Variants in SEMA5A observed in about 807,000 individuals in gnomAD.
SEMA5A encodes the protein semaphorin 5A, also known as semaphorin-5A.
SEMA5A carries 55 observed loss-of-function variants against 135.5 expected under a neutral mutation model. The observed-to-expected ratio is 0.41, with a 90% CI of 0.33 to 0.51. The LOEUF (loss-of-function observed/expected upper bound fraction) is 0.51, where lower values mean the gene tolerates loss of function less well. Ranked by LOEUF, SEMA5A falls within the 20% of genes least tolerant of loss-of-function variation. The probability of loss-of-function intolerance (pLI) is 0.37; values close to 1 mark genes in which losing one functional copy is unlikely to be tolerated. For synonymous variants in SEMA5A, 580 were observed against 546.5 expected (o/e 1.06, Z -0.85); for missense variants, 1,290 against 1,419.9 (o/e 0.91, Z 1.47).
intron 11 of SEMA5A, among the ~76,000 whole-genome samples, chr5:9,159,481 A>G (rs1270702755): frequency 1.3e-5 from 2 of 152,220 alleles, no homozygotes; most frequent in Non-Finnish European, 2.9e-5. Context: ...ATCATCAGAG[A>G]AGTGCAAATC....
At chr5:9,527,264 C>G (rs2126884702) in intron 1 of SEMA5A, among the ~76,000 whole-genome samples, 1 of 152,172 alleles carries the variant, frequency 6.6e-6, no homozygotes, top group Non-Finnish European at 1.5e-5. Context: ...TCCATGGCCC[C>G]CAAGGGAAAA....
chr5:9,316,449 A>G (rs1752393355), intron 5 of SEMA5A, among the ~76,000 whole-genome samples: 1 of 152,214 alleles, frequency 6.6e-6, no homozygotes, highest in Admixed American at 6.6e-5. Context: ...TTAAAAAGAA[A>G]TGAATGCGTA....
At chr5:9,419,194 A>T (rs1014463592) in intron 2 of SEMA5A, among the ~76,000 whole-genome samples, 2 of 152,014 alleles carry the variant, frequency 1.3e-5, no homozygotes, top group Non-Finnish European at 2.9e-5. Context: ...AGATCTTGGC[A>T]TTAATTTCTA....
At chr5:9,353,386 A>AG (rs1754297097) in intron 3 of SEMA5A, among the ~76,000 whole-genome samples, 2 of 142,300 alleles carry the variant, frequency 1.4e-5, no homozygotes, top group Non-Finnish European at 3.0e-5. Context: ...AGGAAAGGAA[A>AG]GGAAAGGAAG....
intron 1 of SEMA5A, among the ~76,000 whole-genome samples, chr5:9,503,070 G>A (rs1311453296): frequency 6.6e-6 from 1 of 152,178 alleles, no homozygotes; most frequent in Non-Finnish European, 1.5e-5. Flanking sequence ...GGATAAAGCT[G>A]TCAGTGAAAG....
rs983994152 is a variant in SEMA5A, at chr5:9,170,108, C to T, written c.1274-15413G>A. Among the ~76,000 whole-genome samples the T allele has an allele frequency of 7.2e-5, 11 of 152,052 alleles. No homozygotes were observed. In the South Asian group the frequency reaches 1.0e-3, roughly 14 times the overall value. Reference sequence around the variant, plus strand: ...AATTAACAAGTCAGGAGTGACAATGCCCCCCTTTTCTAGCCTAAGTATGAA... The same window carrying T: ...AATTAACAAGTCAGGAGTGACAATGTCCCCCTTTTCTAGCCTAAGTATGAA... On this transcript the variant is annotated intron_variant, in intron 11 of 22. Coordinates refer to ENST00000382496, the MANE Select transcript of SEMA5A (RefSeq NM_003966.3).
intron 21 of SEMA5A, among the ~76,000 whole-genome samples, chr5:9,046,545 G>A (rs964631185): frequency 4.6e-5 from 7 of 152,196 alleles, no homozygotes; most frequent in Non-Finnish European, 8.8e-5. Context: ...CTAGGTCTAC[G>A]GGGCTCTGTT....
intron 1 of SEMA5A, among the ~76,000 whole-genome samples, chr5:9,498,928 T>G (rs957613767): frequency 1.3e-5 from 2 of 152,232 alleles, no homozygotes; most frequent in Non-Finnish European, 2.9e-5. Flanking sequence ...ATTACAGAAT[T>G]CACTCTATCA....
At chr5:9,376,983 G>A (rs1755389612) in intron 3 of SEMA5A, among the ~76,000 whole-genome samples, 1 of 152,002 alleles carries the variant, frequency 6.6e-6, no homozygotes, top group South Asian at 2.1e-4. Context: ...AATGTTTACA[G>A]GAGGCATTAC....
intron 1 of SEMA5A, among the ~76,000 whole-genome samples, chr5:9,448,650 C>A (rs906664316): frequency 6.6e-6 from 1 of 152,226 alleles, no homozygotes; most frequent in Non-Finnish European, 1.5e-5. Flanking sequence ...ATTTATGAAA[C>A]TAAATCCAGA....
intron 5 of SEMA5A, among the ~76,000 whole-genome samples, chr5:9,308,666 T>G (rs1285781840): frequency 6.6e-6 from 1 of 152,152 alleles, no homozygotes; most frequent in African/African-American, 2.4e-5. Flanking sequence ...GGTCGTATGC[T>G]GGCCAGTACA....
At chr5:9,450,744 G>C (rs1475428657) in intron 1 of SEMA5A, among the ~76,000 whole-genome samples, 2 of 148,382 alleles carry the variant, frequency 1.3e-5, no homozygotes, top group African/African-American at 5.0e-5. Context: ...GTTATAATGT[G>C]ATCTACCACA....
At chr5:9,353,309 G>GAAATGA (rs1579398079) in intron 3 of SEMA5A, among the ~76,000 whole-genome samples, 42 of 84,770 alleles carry the variant, frequency 5.0e-4, no homozygotes, top group South Asian at 1.1e-3. Flanking sequence ...GAAGGGAAGG[G>GAAATGA]AAGGGAAAGG....
At chr5:9,366,268 G>A (rs935461841) in intron 3 of SEMA5A, among the ~76,000 whole-genome samples, 2 of 151,962 alleles carry the variant, frequency 1.3e-5, no homozygotes, top group African/African-American at 4.8e-5. Flanking sequence ...GCAAATTGGA[G>A]GTCAAACCAT....
intron 1 of SEMA5A, among the ~76,000 whole-genome samples, chr5:9,456,603 C>T (rs1208060714): frequency 1.3e-5 from 2 of 152,134 alleles, no homozygotes; most frequent in Non-Finnish European, 1.5e-5. Flanking sequence ...AGTCCTCATG[C>T]AGCCTAACTG....
intron 1 of SEMA5A, among the ~76,000 whole-genome samples, chr5:9,474,693 C>T (rs1041837157): frequency 2.0e-5 from 3 of 152,176 alleles, no homozygotes; most frequent in Admixed American, 6.5e-5. Flanking sequence ...TGGCTGCTTC[C>T]ACTCTGTATG....
intron 1 of SEMA5A, among the ~76,000 whole-genome samples, chr5:9,508,798 C>T (rs182679445): frequency 6.6e-6 from 1 of 152,248 alleles, no homozygotes; most frequent in Non-Finnish European, 1.5e-5. Context: ...TTCTTTGGCA[C>T]GAAGGAAGTT....
intron 1 of SEMA5A, among the ~76,000 whole-genome samples, chr5:9,454,603 G>A (rs1228993833): frequency 1.3e-5 from 2 of 152,158 alleles, no homozygotes; most frequent in Admixed American, 6.5e-5. Flanking sequence ...AGTACACTGA[G>A]ATCTTAACGT....
Position 9,315,029 on chromosome 5 carries a change from G to A in SEMA5A, c.270+3343C>T, listed in dbSNP as rs572399165. Among the ~76,000 whole-genome samples, 166 of 152,198 alleles carry A rather than the reference G, an allele frequency of 1.1e-3. 1 individual carries two copies. The highest frequency in any genetic ancestry group is 3.8e-3 in the African/African-American group (157 of 41,542). Reference sequence around the variant, plus strand: ...ACCGAAGGCAGCCAAGACCAAGGAGGCAATGATGAGAAAAGTACAATCAGT... The same window carrying A: ...ACCGAAGGCAGCCAAGACCAAGGAGACAATGATGAGAAAAGTACAATCAGT... On this transcript the variant is annotated intron_variant, in intron 5 of 22. Transcript: ENST00000382496.
Sources: allele counts gnomAD v4.1 joint callset (sites outside exome capture counted in the v4.1 genomes callset), GRCh38; gene constraint gnomAD v4.1.1; transcripts MANE v1.5; gene names NCBI Gene and HGNC (gene_info 2026-07-23, HGNC 2026-07-21).